The following DPY19L2 variants were observed in gnomAD, a reference collection of about 807,000 sequenced individuals.
The protein encoded by DPY19L2 is dpy-19 like 2.
In DPY19L2, 34 loss-of-function variants were observed where a neutral mutation model predicts 97.9. The observed-to-expected ratio is 0.35, with a 90% confidence interval of 0.26 to 0.46. DPY19L2 has a LOEUF of 0.46. Among genes scored for constraint, DPY19L2 ranks in the 20% least tolerant of loss-of-function variants. DPY19L2 has a pLI of 1.00. For synonymous variants in DPY19L2, 230 were observed against 307.9 expected (o/e 0.75, Z 2.65); for missense variants, 623 against 911.4 (o/e 0.68, Z 4.07).
At chr12:63,661,790 T>C (rs1309365063) in intron 3 of DPY19L2, among the ~76,000 whole-genome samples, 1 of 152,174 alleles carries the variant, frequency 6.6e-6, no homozygotes, top group Non-Finnish European at 1.5e-5. Context: ...TTCCCAAATC[T>C]GGTTTTATCC....
intron 6 of DPY19L2, among the ~76,000 whole-genome samples, chr12:63,639,543 T>C (rs1223832840): frequency 2.0e-5 from 3 of 152,084 alleles, no homozygotes; most frequent in Admixed American, 2.0e-4. Context: ...GGATGAAGGA[T>C]ATGAACAGAC....
intron 6 of DPY19L2, among the ~76,000 whole-genome samples, chr12:63,628,941 T>C (rs1272448484): frequency 6.6e-6 from 1 of 151,862 alleles, no homozygotes; most frequent in Non-Finnish European, 1.5e-5. Flanking sequence ...CCACTGCTGA[T>C]ACCCACGCAA....
At chr12:63,569,713 CT>C (rs1878445565) in intron 20 of DPY19L2, among the ~76,000 whole-genome samples, 1 of 152,086 alleles carries the variant, frequency 6.6e-6, no homozygotes, top group South Asian at 2.1e-4. Context: ...TCTTTCAATG[CT>C]TAATTTCATC....
chr12:63,585,944 G>T (rs1486586645), intron 16 of DPY19L2, among the ~76,000 whole-genome samples: 1 of 152,084 alleles, frequency 6.6e-6, no homozygotes, highest in East Asian at 1.9e-4. Flanking sequence ...AAAGAAAGTT[G>T]AAGAGCAAAA....
intron 15 of DPY19L2, 120 bp from the exon 16 acceptor site, chr12:63,594,253 G>A (rs1334889091): frequency 4.1e-6 from 3 of 730,838 alleles, no homozygotes; most frequent in Non-Finnish European, 6.5e-6. Flanking sequence ...GTTTAAGGGA[G>A]TCCTCAGGAA....
At chr12:63,657,265 C>T (rs1376459641) in intron 4 of DPY19L2, among the ~76,000 whole-genome samples, 2 of 152,070 alleles carry the variant, frequency 1.3e-5, no homozygotes, top group African/African-American at 4.8e-5. Flanking sequence ...AGTTTGTTGC[C>T]GCTATGGACA....
At position 63,663,578 on chromosome 12, in the gene DPY19L2, A is replaced by G. The variant is rs1427657921; in HGVS notation, c.450+180T>C. 7.2e-5 allele frequency among the ~76,000 whole-genome samples: 11 copies of G among 152,246 alleles called. 1 individual carries two copies. In the East Asian group the frequency reaches 2.1e-3, roughly 29 times the overall value. ...GAAGTCTGCATTAGGAAAGGGTGAGAGATAATGAAGTAACAGAAAAATAAT... is the reference window on the plus strand; with the variant it reads ...GAAGTCTGCATTAGGAAAGGGTGAGGGATAATGAAGTAACAGAAAAATAAT... On this transcript the variant is annotated intron_variant, in intron 3 of 21. Transcript: ENST00000324472.
At position 63,593,403 on chromosome 12, in the gene DPY19L2, A is replaced by G. The variant is rs1358297966; in HGVS notation, c.1580+684T>C. ...TTGGAACCAACCCAAATGTCCAACA[A>G]TGATAGACTGGATTAAGAAAATGTG... On this transcript the variant is annotated intron_variant, in intron 16 of 21. Coordinates refer to ENST00000324472, the MANE Select transcript of DPY19L2 (RefSeq NM_173812.5). Among the ~76,000 whole-genome samples the G allele has an allele frequency of 2.0e-5, 3 of 152,254 alleles. No individual in the cohort carries two copies. In the South Asian group the frequency reaches 6.2e-4, roughly 32 times the overall value.
chr12:63,627,366 T>C (rs149032171), intron 6 of DPY19L2, among the ~76,000 whole-genome samples: 2,478 of 152,182 alleles, frequency 0.016, 74 homozygotes, highest in African/African-American at 0.056. Flanking sequence ...TTGTTTTGTT[T>C]TGAGACAGAG....
intron 19 of DPY19L2, among the ~76,000 whole-genome samples, chr12:63,577,072 G>T (rs535400677): frequency 6.6e-6 from 1 of 152,132 alleles, no homozygotes; most frequent in African/African-American, 2.4e-5. Flanking sequence ...TCATGGTACT[G>T]CCATAAAAAC....
intron 6 of DPY19L2, among the ~76,000 whole-genome samples, chr12:63,627,346 T>C (rs761699413): frequency 2.6e-5 from 4 of 151,996 alleles, no homozygotes; most frequent in Non-Finnish European, 4.4e-5. Context: ...TTGTTATTGT[T>C]GTTGTTGTTT....
intron 12 of DPY19L2, among the ~76,000 whole-genome samples, chr12:63,603,981 G>T (rs146753283): frequency 6.6e-6 from 1 of 152,214 alleles, no homozygotes; most frequent in East Asian, 1.9e-4. Context: ...ATAAAACCAC[G>T]TATCTACAAC....
intron 16 of DPY19L2, among the ~76,000 whole-genome samples, chr12:63,585,502 GT>G (rs1218619835): frequency 6.6e-6 from 1 of 151,956 alleles, no homozygotes; most frequent in Non-Finnish European, 1.5e-5. Context: ...AAATTATTCT[GT>G]CTCCCTCATA....
At chr12:63,595,874 C>T (rs1352710694) in intron 15 of DPY19L2, 92 bp downstream of exon 15, 9 of 1,171,548 alleles carry the variant, frequency 7.7e-6, no homozygotes, top group Non-Finnish European at 1.1e-5. Flanking sequence ...AGAAAGAGTT[C>T]ATCCTAAAAA....
At chr12:63,572,709 G>A (rs1360496110) in intron 19 of DPY19L2, among the ~76,000 whole-genome samples, 3 of 152,038 alleles carry the variant, frequency 2.0e-5, no homozygotes, top group Non-Finnish European at 4.4e-5. Flanking sequence ...CCCACCCCCA[G>A]CTCCAGGCAG....
At chr12:63,587,410 T>A (rs1881979164) in intron 16 of DPY19L2, among the ~76,000 whole-genome samples, 1 of 151,780 alleles carries the variant, frequency 6.6e-6, no homozygotes, top group African/African-American at 2.4e-5. Context: ...ATATAACATG[T>A]AACTTTGAAC....
rs1260047261 is a variant in DPY19L2, at chr12:63,653,050, G to A, written c.589-5685C>T. Among the ~76,000 whole-genome samples the A allele has an allele frequency of 1.2e-4, 18 of 151,890 alleles. No homozygotes were observed. In the East Asian group the frequency reaches 3.3e-3, roughly 28 times the overall value. ...CCTTAAATAATGGATGGCGCAAGAG[G>A]AGAATGGCAGAGATAGAAGAAAATA... On this transcript the variant is annotated intron_variant, in intron 4 of 21. Transcript: ENST00000324472.
intron 21 of DPY19L2, among the ~76,000 whole-genome samples, chr12:63,564,693 A>G (rs1877302208): frequency 6.6e-6 from 1 of 151,930 alleles, no homozygotes; most frequent in African/African-American, 2.4e-5. Context: ...TTGAATGTCT[A>G]TTTTGCTGTT....
chr12:63,567,943 T>A (rs1189824530), intron 21 of DPY19L2, among the ~76,000 whole-genome samples: 1 of 152,056 alleles, frequency 6.6e-6, no homozygotes, highest in African/African-American at 2.4e-5. Context: ...CCGTTGTGAC[T>A]ATAATGTTCC....
Sources: allele counts gnomAD v4.1 joint callset (sites outside exome capture counted in the v4.1 genomes callset), GRCh38; gene constraint gnomAD v4.1.1; transcripts MANE v1.5; gene names NCBI Gene and HGNC (gene_info 2026-07-23, HGNC 2026-07-21).